Variants in ANKRD29 observed in about 807,000 individuals in gnomAD.
ANKRD29 encodes the protein ankyrin repeat domain-containing protein 29.
A neutral mutation model predicts 38.0 loss-of-function variants in ANKRD29; 32 were observed. That is an observed-to-expected ratio of 0.84 (90% confidence interval 0.64 to 1.13). The LOEUF (loss-of-function observed/expected upper bound fraction) is 1.13. Ranked by LOEUF, ANKRD29 falls within the 50% of genes most tolerant of loss-of-function variation. The probability of loss-of-function intolerance (pLI) is 0.00; values close to 1 mark genes in which losing one functional copy is unlikely to be tolerated. For synonymous variants in ANKRD29, 135 were observed against 152.4 expected (o/e 0.89, Z 0.84); for missense variants, 357 against 377.9 (o/e 0.94, Z 0.46).
At chr18:23,632,760 C>A (rs189171009) in intron 5 of ANKRD29, among the ~76,000 whole-genome samples, 1 of 151,940 alleles carries the variant, frequency 6.6e-6, no homozygotes, top group Non-Finnish European at 1.5e-5. Context: ...AGTTGAGAAT[C>A]GCCTCTTTAG....
At chr18:23,662,671 CCCGG>C in intron 1 of ANKRD29, 35 bp downstream of exon 1, 1 of 1,428,962 alleles carries the variant, frequency 7.0e-7, no homozygotes, top group Non-Finnish European at 9.1e-7. Flanking sequence ...GCCGCCCGAG[CCCGG>C]CCCCAGCCCT....
chr18:23,647,880 G>A (rs7242601), intron 2 of ANKRD29: 21,459 of 152,252 alleles, frequency 0.14, 3,603 homozygotes, highest in African/African-American at 0.38. Context: ...GGTACATTCA[G>A]ATTGGGATAA....
chr18:23,627,864 A>G (rs1181041699), intron 6 of ANKRD29, among the ~76,000 whole-genome samples: 1 of 152,218 alleles, frequency 6.6e-6, no homozygotes, highest in African/African-American at 2.4e-5. Flanking sequence ...CAAAATAAGA[A>G]GGACCAATAC....
rs776936979 is a variant in ANKRD29, at chr18:23,634,376, G to A, written c.331-227C>T. 3.6e-4 allele frequency among the ~76,000 whole-genome samples: 49 copies of A among 135,808 alleles called. 1 individual carries two copies. Among genetic ancestry groups the A allele is most frequent in the South Asian group, 4.9e-4 (2 of 4,046 alleles). The allele number at this position is 135,808 out of a possible 152,430, so 89.1% of individuals were successfully genotyped here. A position where few individuals can be genotyped will look rare whatever the true frequency, so the allele number is the denominator to read the frequency against. On this transcript the variant is annotated intron_variant, in intron 4 of 9. Coordinates refer to ENST00000592179, the MANE Select transcript of ANKRD29 (RefSeq NM_173505.4). The stretch of plus-strand genomic sequence containing the variant: ...GCGATCTTGGCTCACTGCAATCTCC[G>A]CCTCCTGGGTTCAAGCGATTCTCTT...
intron 1 of ANKRD29, among the ~76,000 whole-genome samples, chr18:23,659,278 C>T (rs1363163451): frequency 6.6e-6 from 1 of 152,136 alleles, no homozygotes; most frequent in Non-Finnish European, 1.5e-5. Flanking sequence ...GTGCCTGGCC[C>T]ACATTTTGTT....
At chr18:23,632,363 A>G (rs947620213) in intron 5 of ANKRD29, among the ~76,000 whole-genome samples, 12 of 151,918 alleles carry the variant, frequency 7.9e-5, no homozygotes, top group Non-Finnish European at 1.5e-4. Context: ...CGTTTTTAAG[A>G]AAATATTTAG....
At chr18:23,616,578 G>GTATATATATATATACTATATATAC (rs1555651224) in intron 8 of ANKRD29, among the ~76,000 whole-genome samples, 1 of 133,036 alleles carries the variant, frequency 7.5e-6, no homozygotes, top group African/African-American at 2.8e-5. Flanking sequence ...TATATATACA[G>GTATATATATATATACTATATATAC]TATATATATA....
At chr18:23,646,988 C>T (rs1477299205) in intron 2 of ANKRD29, 1 of 152,240 alleles carries the variant, frequency 6.6e-6, no homozygotes. Context: ...CAGTTGTTTT[C>T]AAGCACTTGA....
rs370373437 is a variant in ANKRD29 at position 23,646,261 on chromosome 18, A to G, written c.159T>C (p.Ala53=). ...CACAGTCTATGTGGCCAGCGTAGGC[A>G]GCAACCATCAGGAGTGTGGTGCCAT... ...DSHGTTLLMV[A]AYAGHIDCVR... The change falls in exon 3 of 10, where the codon GCT becomes GCC. Residue 53 remains alanine, a synonymous_variant. Coordinates refer to ENST00000592179, the MANE Select transcript of ANKRD29 (RefSeq NM_173505.4). 6 of 1,613,958 alleles carry G rather than the reference A, an allele frequency of 3.7e-6. No homozygotes were observed. Among genetic ancestry groups the G allele is most frequent in the African/African-American group, 1.3e-5 (1 of 74,942 alleles).
chr18:23,626,419 T>C (rs897989739), intron 6 of ANKRD29, among the ~76,000 whole-genome samples: 2 of 152,164 alleles, frequency 1.3e-5, no homozygotes, highest in African/African-American at 4.8e-5. Context: ...GTTGGGAAAA[T>C]ATATGTCGAG....
intron 9 of ANKRD29, among the ~76,000 whole-genome samples, chr18:23,605,231 TTTTA>T (rs1387823530): frequency 6.6e-6 from 1 of 151,946 alleles, no homozygotes. Flanking sequence ...CAGAATTCTG[TTTTA>T]TTTATTTATT....
intron 7 of ANKRD29, chr18:23,619,258 G>C (rs935300917): frequency 1.2e-5 from 5 of 414,230 alleles, no homozygotes; most frequent in Non-Finnish European, 1.7e-5. Context: ...CCCAGGACAG[G>C]CGGGAGGCCC....
intron 3 of ANKRD29, among the ~76,000 whole-genome samples, chr18:23,641,339 C>A (rs1367570696): frequency 6.6e-6 from 1 of 152,228 alleles, no homozygotes; most frequent in Non-Finnish European, 1.5e-5. Context: ...CCCCCATTAC[C>A]CCCACAGGCT....
chr18:23,605,984 A>G (rs2059570596), intron 9 of ANKRD29, among the ~76,000 whole-genome samples: 1 of 152,228 alleles, frequency 6.6e-6, no homozygotes, highest in South Asian at 2.1e-4. Flanking sequence ...CTTGTAAAAT[A>G]TTTTGCCAGT....
At chr18:23,630,321 G>A (rs1263541326) in intron 5 of ANKRD29, among the ~76,000 whole-genome samples, 3 of 152,224 alleles carry the variant, frequency 2.0e-5, no homozygotes, top group East Asian at 3.8e-4. Flanking sequence ...CAGCTACTCC[G>A]GAGGCTGAGG....
intron 9 of ANKRD29, among the ~76,000 whole-genome samples, chr18:23,605,282 G>GGCATGCAGTGGTGCA (rs563180282): frequency 5.5e-4 from 83 of 152,206 alleles, no homozygotes; most frequent in African/African-American, 2.0e-3. Context: ...CACCCAGGCT[G>GGCATGCAGTGGTGCA]GCATGCAGTG....
At chr18:23,630,631 A>G (rs2059918959) in intron 5 of ANKRD29, among the ~76,000 whole-genome samples, 1 of 151,934 alleles carries the variant, frequency 6.6e-6, no homozygotes, top group South Asian at 2.1e-4. Flanking sequence ...AAAATAAATA[A>G]AATAAAATAA....
intron 1 of ANKRD29, among the ~76,000 whole-genome samples, chr18:23,652,621 A>G (rs1202092046): frequency 6.6e-6 from 1 of 152,222 alleles, no homozygotes; most frequent in East Asian, 1.9e-4. Flanking sequence ...GTGTGGCGAG[A>G]GATGGGGCCA....
intron 5 of ANKRD29, 70 bp downstream of exon 5, chr18:23,633,981 G>A (rs566667548): frequency 1.7e-5 from 25 of 1,472,928 alleles, no homozygotes; most frequent in Non-Finnish European, 2.4e-5. Flanking sequence ...GGCATTTCTG[G>A]CATCTGAATT....
Sources: allele counts gnomAD v4.1 joint callset (sites outside exome capture counted in the v4.1 genomes callset), GRCh38; gene constraint gnomAD v4.1.1; transcripts MANE v1.5; gene names NCBI Gene and HGNC (gene_info 2026-07-23, HGNC 2026-07-21).